The following GRM5 variants were observed in gnomAD, a reference collection of about 807,000 sequenced individuals.
GRM5 encodes the protein metabotropic glutamate receptor 5.
A neutral mutation model predicts 83.1 loss-of-function variants in GRM5; 19 were observed. The observed-to-expected ratio is 0.23, with a 90% CI of 0.16 to 0.34. The LOEUF is 0.34. Ranked by LOEUF, GRM5 falls within the 10% of genes least tolerant of loss-of-function variation. The probability of loss-of-function intolerance (pLI) is 1.00; values close to 1 mark genes in which losing one functional copy is unlikely to be tolerated. For synonymous variants in GRM5, 675 were observed against 633.6 expected (o/e 1.07, Z -0.98); for missense variants, 1,160 against 1,588.3 (o/e 0.73, Z 4.58).
intron 2 of GRM5, among the ~76,000 whole-genome samples, chr11:88,961,060 G>T (rs1938768413): frequency 6.6e-6 from 1 of 152,144 alleles, no homozygotes; most frequent in Admixed American, 6.5e-5. Context: ...TAAAATAACT[G>T]CTAGATTATA....
At chr11:88,653,011 G>A (rs1164188125) in intron 4 of GRM5, among the ~76,000 whole-genome samples, 157 bp downstream of exon 4, 2 of 151,940 alleles carry the variant, frequency 1.3e-5, no homozygotes, top group Non-Finnish European at 2.9e-5. Context: ...TTCCTAATGA[G>A]ACTAAAACCT....
chr11:88,590,827 A>G (rs971362504), intron 6 of GRM5, 100 bp from the exon 7 acceptor site: 2 of 720,918 alleles, frequency 2.8e-6, no homozygotes, highest in South Asian at 2.0e-5. Flanking sequence ...AAGGCCTTTC[A>G]CATACATTAT....
chr11:88,606,056 T>C (rs1395380001), intron 4 of GRM5, among the ~76,000 whole-genome samples: 2 of 152,016 alleles, frequency 1.3e-5, no homozygotes, highest in Non-Finnish European at 2.9e-5. Flanking sequence ...ATCAATCAGA[T>C]GAAGGGAGAG....
intron 3 of GRM5, among the ~76,000 whole-genome samples, chr11:88,767,262 G>A (rs1591500103): frequency 6.6e-6 from 1 of 151,972 alleles, no homozygotes; most frequent in Non-Finnish European, 1.5e-5. Flanking sequence ...GTGAAAAGCG[G>A]TGTGTCAATT....
chr11:88,682,280 T>C (rs1405114531), intron 3 of GRM5, among the ~76,000 whole-genome samples: 19 of 152,176 alleles, frequency 1.2e-4, no homozygotes, highest in Admixed American at 1.2e-3. Flanking sequence ...ACCAGGAAGG[T>C]GGCTGAACTA....
intron 4 of GRM5, among the ~76,000 whole-genome samples, chr11:88,617,411 CT>C (rs1021333450): frequency 2.6e-5 from 4 of 152,084 alleles, no homozygotes; most frequent in Non-Finnish European, 4.4e-5. Flanking sequence ...TTTCTTGGAC[CT>C]TTTTCCCCAA....
intron 1 of GRM5, among the ~76,000 whole-genome samples, chr11:89,056,548 A>G (rs966112774): frequency 7.9e-5 from 12 of 152,152 alleles, no homozygotes; most frequent in African/African-American, 2.9e-4. Flanking sequence ...AAGAACACCA[A>G]TTTCTTATAG....
At chr11:88,614,797 C>T (rs1468206960) in intron 4 of GRM5, among the ~76,000 whole-genome samples, 1 of 152,098 alleles carries the variant, frequency 6.6e-6, no homozygotes, top group Non-Finnish European at 1.5e-5. Context: ...CAAGTGAAGT[C>T]GATTTTCCGT....
Position 88,590,650 on chromosome 11 carries a change from G to A in GRM5, c.1641C>T (p.Tyr547=). The stretch of plus-strand genomic sequence containing the variant: ...ACCCCAGTTGGCATGCCTTGCATGT[G>A]TACTCATCAAAGACATACTCATTCT... ...CKENEYVFDE[Y]TCKACQLGSW... The change falls in exon 7 of 10, where the codon TAC becomes TAT. Residue 547 remains tyrosine (Y), a synonymous_variant. Coordinates refer to ENST00000305447, the MANE Select transcript of GRM5 (RefSeq NM_001143831.3). 1.2e-6 allele frequency: 2 copies of A among 1,608,284 alleles called. No individual in the cohort carries two copies. The highest frequency in any genetic ancestry group is 1.7e-6 in the Non-Finnish European group (2 of 1,174,712).
In GRM5 at chr11:88,653,273, T is replaced by C. The variant is rs1430735735; in HGVS notation, c.1042A>G (p.Thr348Ala). The change falls in exon 4 of 10, where the codon ACA becomes GCA. Residue 348 changes from threonine to alanine, a missense_variant. Thr to Ala is a moderately conservative substitution (Grantham distance 58). Transcript: ENST00000305447. ...TGAAACCAAGGGTTTCGGTGGTTTGTTTCTGGCCGGAGCTTCAGATAATAA... is the reference window on the plus strand; with the variant it reads ...TGAAACCAAGGGTTTCGGTGGTTTGCTTCTGGCCGGAGCTTCAGATAATAA... Reference protein sequence around the residue: ...DDYYLKLRPETNHRNPWFQEF... With the variant: ...DDYYLKLRPEANHRNPWFQEF... The C allele has an allele frequency of 6.2e-7, 1 of 1,613,302 alleles. No homozygotes were observed. Among genetic ancestry groups the C allele is most frequent in the Non-Finnish European group, 8.5e-7 (1 of 1,179,488 alleles).
intron 3 of GRM5, among the ~76,000 whole-genome samples, chr11:88,699,753 G>T (rs1369177798): frequency 1.3e-5 from 2 of 152,074 alleles, no homozygotes; most frequent in East Asian, 1.9e-4. Flanking sequence ...CACGAGCAGA[G>T]TGTCCAGGTC....
chr11:89,064,888 C>CTCTCTCTCTCTCTCTCTCTGTG (rs1218318990), intron 1 of GRM5, among the ~76,000 whole-genome samples: 1 of 62,212 alleles, frequency 1.6e-5, no homozygotes, highest in African/African-American at 6.9e-5. Flanking sequence ...CTCTCTCTCT[C>CTCTCTCTCTCTCTCTCTCTGTG]TGTGTGTGTG....
chr11:88,828,920 T>C (rs1191939509), intron 3 of GRM5, among the ~76,000 whole-genome samples: 1 of 152,060 alleles, frequency 6.6e-6, no homozygotes, highest in East Asian at 1.9e-4. Flanking sequence ...AATCTGTCTT[T>C]ATGGCAGAAT....
At chr11:88,746,778 A>G (rs1942154421) in intron 3 of GRM5, among the ~76,000 whole-genome samples, 1 of 152,166 alleles carries the variant, frequency 6.6e-6, no homozygotes, top group Non-Finnish European at 1.5e-5. Flanking sequence ...GGTTGTAATC[A>G]GAAAAAAAGT....
chr11:88,509,040 A>T lies in GRM5; in HGVS notation c.3191T>A (p.Val1064Glu). 1 of 1,562,306 alleles carries T rather than the reference A, an allele frequency of 6.4e-7. No individual in the cohort carries two copies. Among genetic ancestry groups the T allele is most frequent in the Non-Finnish European group, 8.7e-7 (1 of 1,152,784 alleles). The change falls in exon 10 of 10, where the codon GTG (valine) becomes GAG (glutamate). Residue 1064 changes from valine to glutamate, a missense_variant. Coordinates refer to ENST00000305447, the MANE Select transcript of GRM5 (RefSeq NM_001143831.3). ...GATGTTGGCCGTGAAGCGGGTGACC[A>T]CACTGCTGATCTGCTCCATGAGGGA... ...QGSLMEQISSVVTRFTANISE... is the reference protein window; with the variant it reads ...QGSLMEQISSEVTRFTANISE...
At chr11:88,816,746 C>CAA (rs34178436) in intron 3 of GRM5, among the ~76,000 whole-genome samples, 14,918 of 122,158 alleles carry the variant, frequency 0.12, 1,443 homozygotes, top group African/African-American at 0.25. Context: ...CAGATTGGTC[C>CAA]AAAAAAAAAA....
intron 3 of GRM5, among the ~76,000 whole-genome samples, chr11:88,758,276 T>G (rs1942438587): frequency 6.6e-6 from 1 of 152,086 alleles, no homozygotes; most frequent in Admixed American, 6.6e-5. Flanking sequence ...TGGGTAGGAA[T>G]GAAGATCACT....
rs539575127 is a variant in GRM5 at position 88,530,006 on chromosome 11, A to C, written c.2631-4602T>G. 2.6e-5 allele frequency among the ~76,000 whole-genome samples: 4 copies of C among 152,136 alleles called. No homozygotes were observed. The South Asian group carries it at 8.3e-4, about 31-fold the overall frequency. ...ATTCAGCAGACACATGAGTATAAAC[A>C]TTTGGAGGTTAGAGGATTGTTATAC... On this transcript the variant is annotated intron_variant, in intron 8 of 9. Transcript: ENST00000305447.
At chr11:88,786,603 C>T (rs1231437652) in intron 3 of GRM5, among the ~76,000 whole-genome samples, 19 of 152,126 alleles carry the variant, frequency 1.2e-4, no homozygotes, top group Admixed American at 1.2e-3. Context: ...ACCTGGAGAG[C>T]TCTTTCCATA....
Sources: gnomAD v4.1 joint callset for allele counts (sites outside exome capture counted in the v4.1 genomes callset) on GRCh38, gnomAD v4.1.1 for gene constraint, MANE v1.5 for transcripts, NCBI Gene and HGNC (gene_info 2026-07-23, HGNC 2026-07-21) for gene names.